GPR158: variants seen among roughly 807,000 people sequenced by gnomAD.
GPR158 encodes G protein-coupled receptor 158.
In GPR158, 30 loss-of-function variants were observed where a neutral mutation model predicts 78.2. The observed-to-expected ratio is 0.38, with a 90% CI of 0.29 to 0.52. The LOEUF is 0.52. Among genes scored for constraint, GPR158 ranks in the 20% least tolerant of loss-of-function variants. The pLI is 0.83. For synonymous variants in GPR158, 581 were observed against 591.1 expected (o/e 0.98, Z 0.25); for missense variants, 1,463 against 1,523.5 (o/e 0.96, Z 0.66).
intron 4 of GPR158, among the ~76,000 whole-genome samples, chr10:25,424,868 C>A (rs1037698641): frequency 3.9e-5 from 6 of 152,296 alleles, no homozygotes; most frequent in African/African-American, 1.4e-4. Context: ...GCAATGCGGG[C>A]TCTTTTTTGG....
At chr10:25,315,105 G>A (rs1387225412) in intron 2 of GPR158, among the ~76,000 whole-genome samples, 1 of 151,714 alleles carries the variant, frequency 6.6e-6, no homozygotes, top group East Asian at 1.9e-4. Context: ...GAGTTATATA[G>A]CTCATGAGGA....
At chr10:25,398,219 A>G (rs946737290) in intron 3 of GPR158, among the ~76,000 whole-genome samples, 1 of 152,202 alleles carries the variant, frequency 6.6e-6, no homozygotes, top group Admixed American at 6.5e-5. Context: ...CAATAGAAAC[A>G]GGGAAATAAT....
chr10:25,454,894 A>C (rs1268251166), intron 4 of GPR158, among the ~76,000 whole-genome samples: 1 of 152,156 alleles, frequency 6.6e-6, no homozygotes, highest in Non-Finnish European at 1.5e-5. Flanking sequence ...CATCAACAGT[A>C]TTGGATTTTT....
intron 3 of GPR158, among the ~76,000 whole-genome samples, chr10:25,411,436 A>G (rs1388673467): frequency 1.3e-5 from 2 of 152,188 alleles, no homozygotes; most frequent in African/African-American, 4.8e-5. Flanking sequence ...GGTAGATGAG[A>G]TCCCTGATGA....
At chr10:25,517,658 A>G (rs1215025961) in intron 5 of GPR158, among the ~76,000 whole-genome samples, 1 of 151,996 alleles carries the variant, frequency 6.6e-6, no homozygotes, top group Non-Finnish European at 1.5e-5. Context: ...AGTTCTGTTT[A>G]TATGCTGGAT....
intron 7 of GPR158, among the ~76,000 whole-genome samples, chr10:25,579,273 C>T (rs961392271): frequency 2.0e-5 from 3 of 151,874 alleles, no homozygotes; most frequent in African/African-American, 7.3e-5. Context: ...CTTTATTCCC[C>T]TATGAGTTTT....
At chr10:25,348,257 C>A (rs981221880) in intron 2 of GPR158, among the ~76,000 whole-genome samples, 1 of 151,602 alleles carries the variant, frequency 6.6e-6, no homozygotes, top group Non-Finnish European at 1.5e-5. Flanking sequence ...GGGTAGGAGG[C>A]CTTTAGGGAT....
chr10:25,358,865 T>G (rs1280746699), intron 2 of GPR158, among the ~76,000 whole-genome samples: 1 of 152,138 alleles, frequency 6.6e-6, no homozygotes, highest in Non-Finnish European at 1.5e-5. Flanking sequence ...TGTTTGAGAC[T>G]TGTTTTATGG....
chr10:25,462,627 A>G (rs890613705), intron 4 of GPR158, among the ~76,000 whole-genome samples: 1 of 152,240 alleles, frequency 6.6e-6, no homozygotes, highest in Non-Finnish European at 1.5e-5. Context: ...ATCAACATTA[A>G]CAAGAGTTTG....
At chr10:25,271,269 C>T (rs1377033719) in intron 2 of GPR158, among the ~76,000 whole-genome samples, 4 of 152,182 alleles carry the variant, frequency 2.6e-5, no homozygotes, top group Non-Finnish European at 5.9e-5. Flanking sequence ...CCTGTTTCTT[C>T]ATAGTGTTTA....
chr10:25,567,364 A>C (rs960662452), intron 6 of GPR158, among the ~76,000 whole-genome samples: 1 of 152,164 alleles, frequency 6.6e-6, no homozygotes, highest in Non-Finnish European at 1.5e-5. Context: ...TTTACCCTTC[A>C]TCAAAATTAC....
chr10:25,426,625 T>G (rs1834827413), intron 4 of GPR158, among the ~76,000 whole-genome samples: 2 of 152,100 alleles, frequency 1.3e-5, no homozygotes, highest in South Asian at 4.1e-4. Flanking sequence ...ACACAAGATT[T>G]ATGAAGTCTG....
chr10:25,467,869 T>TTGTC (rs1835446721), intron 5 of GPR158, among the ~76,000 whole-genome samples: 1 of 152,152 alleles, frequency 6.6e-6, no homozygotes, highest in Non-Finnish European at 1.5e-5. Flanking sequence ...GTCTCTGCCT[T>TTGTC]TGTCTCTGAC....
At chr10:25,183,177 A>G (rs1852635269) in intron 1 of GPR158, among the ~76,000 whole-genome samples, 2 of 152,118 alleles carry the variant, frequency 1.3e-5, no homozygotes, top group Non-Finnish European at 2.9e-5. Flanking sequence ...CTTTCTTCCT[A>G]CAGGAAGAAA....
Position 25,563,686 on chromosome 10 carries a change from G to A in GPR158, c.1515-8963G>A, listed in dbSNP as rs1009133743. On this transcript the variant is annotated intron_variant, in intron 6 of 10. Coordinates refer to ENST00000376351, the MANE Select transcript of GPR158 (RefSeq NM_020752.3). ...AATTAATACCAACTTTGTTTCAGAC[G>A]TATACAAAAACTTTGCTCCTATTAA... 2.9e-5 allele frequency among the ~76,000 whole-genome samples: 4 copies of A among 137,376 alleles called. No homozygotes were observed. The East Asian group carries it at 7.8e-4, about 27-fold the overall frequency. 90.1% of individuals were successfully genotyped at this position (137,376 alleles called of 152,430 possible).
At chr10:25,206,723 T>C (rs1853043551) in intron 1 of GPR158, among the ~76,000 whole-genome samples, 4 of 152,112 alleles carry the variant, frequency 2.6e-5, no homozygotes, top group Admixed American at 2.6e-4. Flanking sequence ...GGCTGCCTAT[T>C]ATGTACATGT....
At chr10:25,290,853 T>G (rs555577575) in intron 2 of GPR158, among the ~76,000 whole-genome samples, 1 of 152,126 alleles carries the variant, frequency 6.6e-6, no homozygotes, top group East Asian at 1.9e-4. Flanking sequence ...CTTAACCAAA[T>G]CAAATGTACT....
chr10:25,252,668 G>C (rs375923614), intron 2 of GPR158, among the ~76,000 whole-genome samples: 174 of 151,632 alleles, frequency 1.1e-3, no homozygotes, highest in Middle Eastern at 3.4e-3. Flanking sequence ...GCAGTCTGCC[G>C]GTTCTCAGAT....
chr10:25,505,131 T>A (rs1835994002), intron 5 of GPR158, among the ~76,000 whole-genome samples: 1 of 152,228 alleles, frequency 6.6e-6, no homozygotes, highest in African/African-American at 2.4e-5. Context: ...ATAATAGACA[T>A]TGTATAAACA....
Sources: allele counts gnomAD v4.1 joint callset (sites outside exome capture counted in the v4.1 genomes callset), GRCh38; gene constraint gnomAD v4.1.1; transcripts MANE v1.5; gene names NCBI Gene and HGNC (gene_info 2026-07-23, HGNC 2026-07-21).